NBEA: variants seen among roughly 807,000 people sequenced by gnomAD.
NBEA encodes the protein neurobeachin.
A neutral mutation model predicts 343.4 loss-of-function variants in NBEA; 44 were observed. The ratio of observed to expected loss-of-function variants is 0.13; its 90% confidence interval spans 0.10 to 0.16. The LOEUF (loss-of-function observed/expected upper bound fraction) is 0.16. Ranked by LOEUF, NBEA falls within the 10% of genes least tolerant of loss-of-function variation. NBEA has a pLI of 1.00. For synonymous variants in NBEA, 1,175 were observed against 1,238.7 expected (o/e 0.95, Z 1.08); for missense variants, 2,555 against 3,631.3 (o/e 0.70, Z 7.62).
intron 45 of NBEA, among the ~76,000 whole-genome samples, chr13:35,570,008 G>A (rs76082806): frequency 0.027 from 4,078 of 152,012 alleles, 192 homozygotes; most frequent in African/African-American, 0.091. Flanking sequence ...AACATTTCAA[G>A]GTTTTGTTTG....
intron 16 of NBEA, among the ~76,000 whole-genome samples, chr13:35,121,681 A>G (rs1394493629): frequency 4.6e-5 from 7 of 152,136 alleles, no homozygotes; most frequent in Non-Finnish European, 7.4e-5. Context: ...TGAAATGCAA[A>G]GCATAAAAGA....
At chr13:35,147,353 C>G (rs567979753) in intron 18 of NBEA, among the ~76,000 whole-genome samples, 2 of 152,320 alleles carry the variant, frequency 1.3e-5, no homozygotes, top group East Asian at 3.9e-4. Flanking sequence ...TGAGAAAGCC[C>G]AGAATTCCTT....
At chr13:35,504,860 GC>G (rs1456746761) in intron 41 of NBEA, among the ~76,000 whole-genome samples, 3 of 151,936 alleles carry the variant, frequency 2.0e-5, no homozygotes, top group Non-Finnish European at 4.4e-5. Context: ...AGTCCTCCCC[GC>G]TTGGCCTCCC....
At chr13:35,375,836 A>G (rs1406655107) in intron 38 of NBEA, among the ~76,000 whole-genome samples, 3 of 152,146 alleles carry the variant, frequency 2.0e-5, no homozygotes, top group Admixed American at 2.0e-4. Context: ...GTAATTTCTC[A>G]GTTACTTTCT....
At chr13:35,535,108 A>T (rs1049400405) in intron 41 of NBEA, among the ~76,000 whole-genome samples, 10 of 131,988 alleles carry the variant, frequency 7.6e-5, no homozygotes, top group African/African-American at 2.6e-4. Context: ...TTTTTACCCA[A>T]TTATAGATAT....
At chr13:35,390,673 A>G (rs2042459437) in intron 38 of NBEA, among the ~76,000 whole-genome samples, 1 of 152,192 alleles carries the variant, frequency 6.6e-6, no homozygotes, top group African/African-American at 2.4e-5. Flanking sequence ...CTGAAAACAA[A>G]AATCAGCTAG....
At chr13:35,341,975 A>G (rs779270304) in intron 36 of NBEA, among the ~76,000 whole-genome samples, 3 of 152,092 alleles carry the variant, frequency 2.0e-5, no homozygotes, top group Admixed American at 1.3e-4. Context: ...ATGTTCATCA[A>G]CTGGTGAGTT....
chr13:35,361,628 G>A (rs1169686736), intron 38 of NBEA, among the ~76,000 whole-genome samples: 1 of 151,974 alleles, frequency 6.6e-6, no homozygotes, highest in East Asian at 1.9e-4. Flanking sequence ...GACCTTGCTT[G>A]TTTTGGGCAA....
chr13:35,667,668 C>G lies in NBEA; in HGVS notation c.8661+98C>G. 3 of 1,157,558 alleles carry G rather than the reference C, an allele frequency of 2.6e-6. No individual in the cohort carries two copies. In the South Asian group the frequency reaches 4.5e-5, roughly 17 times the overall value. The allele number at this position is 1,157,558 out of a possible 1,614,324, so 71.7% of individuals were successfully genotyped here. A position where few individuals can be genotyped will look rare whatever the true frequency, so the allele number is the denominator to read the frequency against. ...ATTCATAATAGAATGTCTGTGCTAT[C>G]CAGATAAATGTGTTCTAGATTAAAA... On this transcript the variant is annotated intron_variant, in intron 57 of 58. Coordinates refer to ENST00000379939, the MANE Select transcript of NBEA (RefSeq NM_001385012.1).
At chr13:34,981,029 T>C (rs1299867727) in intron 1 of NBEA, among the ~76,000 whole-genome samples, 1 of 152,204 alleles carries the variant, frequency 6.6e-6, no homozygotes, top group Non-Finnish European at 1.5e-5. Context: ...TGTACTTTTA[T>C]AACATTTCCG....
intron 36 of NBEA, among the ~76,000 whole-genome samples, chr13:35,321,986 G>C (rs2038182765): frequency 6.6e-6 from 1 of 152,188 alleles, no homozygotes; most frequent in Non-Finnish European, 1.5e-5. Flanking sequence ...TCAGACTGCT[G>C]TGCTGGCAGC....
At chr13:35,470,031 C>G (rs965687584) in intron 40 of NBEA, among the ~76,000 whole-genome samples, 2 of 152,218 alleles carry the variant, frequency 1.3e-5, no homozygotes, top group Non-Finnish European at 2.9e-5. Context: ...GGTTTGCTCC[C>G]TGAAGACTAC....
chr13:34,961,961 T>C (rs1320610474), intron 1 of NBEA, among the ~76,000 whole-genome samples: 2 of 152,096 alleles, frequency 1.3e-5, no homozygotes, highest in Admixed American at 6.6e-5. Flanking sequence ...AAAAAAAATG[T>C]AAAATATCTC....
intron 36 of NBEA, among the ~76,000 whole-genome samples, chr13:35,341,268 A>G (rs541671865): frequency 1.3e-4 from 20 of 152,156 alleles, no homozygotes; most frequent in African/African-American, 4.8e-4. Context: ...AAAATGCATG[A>G]AAGACCCAAA....
chr13:35,468,233 C>G (rs1463129910), intron 40 of NBEA, among the ~76,000 whole-genome samples: 1 of 151,950 alleles, frequency 6.6e-6, no homozygotes. Context: ...GAGAACTGTC[C>G]TGGAGCTCAC....
chr13:35,270,279 A>G (rs923224525), intron 34 of NBEA, among the ~76,000 whole-genome samples: 4 of 152,220 alleles, frequency 2.6e-5, no homozygotes, highest in Non-Finnish European at 5.9e-5. Flanking sequence ...TAGTATTTCA[A>G]TATGGAAATT....
intron 41 of NBEA, among the ~76,000 whole-genome samples, chr13:35,545,325 C>T (rs902782669): frequency 2.0e-5 from 3 of 152,158 alleles, no homozygotes; most frequent in African/African-American, 4.8e-5. Flanking sequence ...CTGCCCCCAT[C>T]CCACTGCATT....
chr13:35,025,432 C>T (rs1388874050), intron 1 of NBEA, among the ~76,000 whole-genome samples: 4 of 152,084 alleles, frequency 2.6e-5, no homozygotes, highest in Non-Finnish European at 5.9e-5. Flanking sequence ...GAGTCCTTTC[C>T]TCATTGCTTG....
chr13:35,428,879 G>A (rs2044897026), intron 38 of NBEA, among the ~76,000 whole-genome samples: 1 of 152,146 alleles, frequency 6.6e-6, no homozygotes, highest in South Asian at 2.1e-4. Context: ...ATCTGGAAGT[G>A]GGGACACTGC....
Sources: gnomAD v4.1 joint callset for allele counts (sites outside exome capture counted in the v4.1 genomes callset) on GRCh38, gnomAD v4.1.1 for gene constraint, MANE v1.5 for transcripts, NCBI Gene and HGNC (gene_info 2026-07-23, HGNC 2026-07-21) for gene names.